NKAIN3: variants seen among roughly 807,000 people sequenced by gnomAD.
The protein encoded by NKAIN3 is sodium/potassium transporting ATPase interacting 3.
A neutral mutation model predicts 30.2 loss-of-function variants in NKAIN3; 25 were observed. The ratio of observed to expected loss-of-function variants is 0.83; its 90% CI spans 0.60 to 1.16. The LOEUF is 1.16. Among genes scored for constraint, NKAIN3 ranks in the 50% most tolerant of loss-of-function variants. NKAIN3 has a pLI of 0.00. For missense variants in NKAIN3, 225 were observed against 254.1 expected (o/e 0.89, Z 0.78); for synonymous variants, 91 against 89.6 (o/e 1.02, Z -0.09).
intron 1 of NKAIN3, among the ~76,000 whole-genome samples, chr8:62,306,130 A>G (rs546119759): frequency 6.6e-6 from 1 of 150,642 alleles, no homozygotes; most frequent in Admixed American, 6.6e-5. Flanking sequence ...GTTAGTTTAT[A>G]CCTGCCATTA....
At chr8:62,565,371 T>A (rs1191477572) in intron 1 of NKAIN3, among the ~76,000 whole-genome samples, 1 of 151,832 alleles carries the variant, frequency 6.6e-6, no homozygotes, top group African/African-American at 2.4e-5. Context: ...TGTGCGTGTG[T>A]GTGTGTGTGT....
intron 4 of NKAIN3, among the ~76,000 whole-genome samples, chr8:62,774,443 T>G (rs1271388626): frequency 6.6e-6 from 1 of 152,190 alleles, no homozygotes; most frequent in Non-Finnish European, 1.5e-5. Context: ...CATTACTATG[T>G]TGAATTACAG....
At chr8:62,352,167 T>C (rs1259353407) in intron 1 of NKAIN3, among the ~76,000 whole-genome samples, 4 of 152,090 alleles carry the variant, frequency 2.6e-5, no homozygotes, top group African/African-American at 9.7e-5. Context: ...CAGGAAGGGA[T>C]GTTTAGGGAA....
intron 3 of NKAIN3, among the ~76,000 whole-genome samples, chr8:62,705,129 C>CT (rs141313263): frequency 1.3e-5 from 2 of 152,058 alleles, no homozygotes; most frequent in Non-Finnish European, 2.9e-5. Flanking sequence ...CATAAAACAT[C>CT]TTTTTTATAA....
At chr8:62,564,545 G>A (rs1809687017) in intron 1 of NKAIN3, among the ~76,000 whole-genome samples, 1 of 151,984 alleles carries the variant, frequency 6.6e-6, no homozygotes, top group Non-Finnish European at 1.5e-5. Context: ...TTTTCTCCTT[G>A]TGAGGCACAT....
At chr8:62,700,620 C>T (rs1469354337) in intron 3 of NKAIN3, among the ~76,000 whole-genome samples, 1 of 152,100 alleles carries the variant, frequency 6.6e-6, no homozygotes, top group Non-Finnish European at 1.5e-5. Context: ...TCACCTTTGG[C>T]AAAGAAAATG....
intron 3 of NKAIN3, among the ~76,000 whole-genome samples, chr8:62,625,948 A>T (rs1487461571): frequency 1.4e-5 from 2 of 143,952 alleles, no homozygotes; most frequent in Non-Finnish European, 3.1e-5. Flanking sequence ...GACATAATTG[A>T]CAAAAAAAAT....
intron 4 of NKAIN3, among the ~76,000 whole-genome samples, chr8:62,815,409 C>T (rs1818642780): frequency 1.3e-5 from 2 of 152,122 alleles, no homozygotes; most frequent in Non-Finnish European, 2.9e-5. Context: ...CTGGCAGAGA[C>T]ACAACCAAAA....
intron 5 of NKAIN3, among the ~76,000 whole-genome samples, chr8:62,946,139 AAAC>A (rs1388363475): frequency 2.0e-5 from 3 of 152,164 alleles, no homozygotes; most frequent in Non-Finnish European, 4.4e-5. Context: ...AGCATAAAGA[AAAC>A]AACCATAAAT....
At chr8:62,493,895 A>G (rs1418254460) in intron 1 of NKAIN3, among the ~76,000 whole-genome samples, 2 of 152,122 alleles carry the variant, frequency 1.3e-5, no homozygotes. Flanking sequence ...ACTTTGCTGA[A>G]GTTGTTTTTT....
chr8:62,966,342 C>G lies in NKAIN3; in HGVS notation c.*935C>G. 1.0e-6 allele frequency: 1 copy of G among 984,476 alleles called. No homozygotes were observed. The highest frequency in any genetic ancestry group is 1.2e-6 in the Non-Finnish European group (1 of 829,140). The allele number at this position is 984,476 out of a possible 1,614,324, so 61.0% of individuals were successfully genotyped here. ...CAACATCAGCTTTTCTTTCTCCTACCCCTTCCCAATAACCAAGAAAATGAT... is the reference window on the plus strand; with the variant it reads ...CAACATCAGCTTTTCTTTCTCCTACGCCTTCCCAATAACCAAGAAAATGAT... On this transcript the variant is annotated 3_prime_UTR_variant, in exon 7 of 7. Transcript: ENST00000623646.
chr8:62,400,167 T>C (rs937187054), intron 1 of NKAIN3, among the ~76,000 whole-genome samples: 40 of 146,572 alleles, frequency 2.7e-4, no homozygotes, highest in Admixed American at 1.1e-3. Context: ...TATTTTCTTT[T>C]TTTTTTTTTT....
chr8:62,720,729 T>C (rs1341953629), intron 3 of NKAIN3, among the ~76,000 whole-genome samples: 1 of 152,192 alleles, frequency 6.6e-6, no homozygotes, highest in Non-Finnish European at 1.5e-5. Context: ...GCAAATTGTT[T>C]CCATTTGTTG....
intron 3 of NKAIN3, among the ~76,000 whole-genome samples, chr8:62,616,579 C>T (rs1434003720): frequency 6.6e-6 from 1 of 152,112 alleles, no homozygotes; most frequent in Admixed American, 6.5e-5. Flanking sequence ...CCAGAAGCTT[C>T]CCAAACCTCA....
chr8:62,479,698 G>A (rs1234409381), intron 1 of NKAIN3, among the ~76,000 whole-genome samples: 1 of 152,178 alleles, frequency 6.6e-6, no homozygotes, highest in Non-Finnish European at 1.5e-5. Context: ...GAGAAAAAAG[G>A]TATCTATGGC....
At chr8:62,888,272 T>A (rs1563613383) in intron 4 of NKAIN3, among the ~76,000 whole-genome samples, 2 of 152,210 alleles carry the variant, frequency 1.3e-5, no homozygotes, top group South Asian at 2.1e-4. Context: ...AAGAACAGAA[T>A]GCTCTGACAT....
intron 1 of NKAIN3, among the ~76,000 whole-genome samples, chr8:62,337,314 C>T (rs1585695347): frequency 6.6e-6 from 1 of 151,978 alleles, no homozygotes; most frequent in Non-Finnish European, 1.5e-5. Flanking sequence ...TATCAGATAA[C>T]TTGTGGCCAT....
rs556396974 is a variant in NKAIN3 at position 62,793,979 on chromosome 8, T to C, written c.471+46850T>C. Among the ~76,000 whole-genome samples the C allele has an allele frequency of 1.4e-4, 21 of 152,282 alleles. 1 individual carries two copies. Among genetic ancestry groups the C allele is most frequent in the South Asian group, 1.0e-3 (5 of 4,832 alleles). The stretch of plus-strand genomic sequence containing the variant: ...CAAATGCATCTGACCATATAAACAA[T>C]TGTTGACAGTCATTTCTTTTCTACC... On this transcript the variant is annotated intron_variant, in intron 4 of 6. Transcript: ENST00000623646.
At position 62,581,849 on chromosome 8, in the gene NKAIN3, C is replaced by T. The variant is rs190818992; in HGVS notation, c.192+2173C>T. Among the ~76,000 whole-genome samples, 46 of 27,940 alleles carry T rather than the reference C, an allele frequency of 1.6e-3. 5 individuals are homozygous for T. Among genetic ancestry groups the T allele is most frequent in the Non-Finnish European group, 2.2e-3 (25 of 11,508 alleles). 18.3% of individuals were successfully genotyped at this position (27,940 alleles called of 152,430 possible). A position where few individuals can be genotyped will look rare whatever the true frequency, so the allele number is the denominator to read the frequency against. ...CCTTCCCTCTTTCCTTTTTTCCTTC[C>T]TCCCTCCCACCCATCCTCACTCCCT... On this transcript the variant is annotated intron_variant, in intron 2 of 6. Transcript: ENST00000623646.
Sources: gnomAD v4.1 joint callset for allele counts (sites outside exome capture counted in the v4.1 genomes callset) on GRCh38, gnomAD v4.1.1 for gene constraint, MANE v1.5 for transcripts, NCBI Gene and HGNC (gene_info 2026-07-23, HGNC 2026-07-21) for gene names.